Variants in PKHD1L1 observed in about 807,000 individuals in gnomAD.
PKHD1L1 encodes the protein PKHD1 like 1, also known as fibrocystin-L.
In PKHD1L1, 434 loss-of-function variants were observed where a neutral mutation model predicts 462.9. The ratio of observed to expected loss-of-function variants is 0.94; its 90% CI spans 0.87 to 1.02. PKHD1L1 has a LOEUF of 1.02. Among genes scored for constraint, PKHD1L1 ranks in the 50% least tolerant of loss-of-function variants. PKHD1L1 has a pLI of 0.00. For synonymous variants in PKHD1L1, 1,781 were observed against 1,750.0 expected (o/e 1.02, Z -0.44); for missense variants, 5,202 against 5,096.1 (o/e 1.02, Z -0.63).
intron 77 of PKHD1L1, among the ~76,000 whole-genome samples, chr8:109,529,655 TAAG>T (rs1168840863): frequency 2.0e-5 from 3 of 151,580 alleles, no homozygotes; most frequent in African/African-American, 7.3e-5. Flanking sequence ...CTTTTCCAGA[TAAG>T]AAGATTAATC....
chr8:109,370,006 T>A (rs1811417270), intron 2 of PKHD1L1, among the ~76,000 whole-genome samples: 1 of 152,224 alleles, frequency 6.6e-6, no homozygotes, highest in South Asian at 2.1e-4. Flanking sequence ...CTGCTTACTT[T>A]TCCTACATAC....
rs750083331 is a variant in PKHD1L1 at position 109,435,353 on chromosome 8, A to G, written c.3504A>G (p.Ala1168=). ...TCTGGCCTGATTCTGGAAGCATAGC[A>G]GGTAATGGTTAATAGTTTAAACAGA... ...SHIWPDSGSI[A]GGTLLTLSGF... The change falls in exon 29 of 78, where the codon GCA becomes GCG. Residue 1168 remains alanine (A), a splice_region_variant and synonymous_variant. Coordinates refer to ENST00000378402, the MANE Select transcript of PKHD1L1 (RefSeq NM_177531.6). 6.2e-7 allele frequency: 1 copy of G among 1,611,552 alleles called. No individual in the cohort carries two copies. The highest frequency in any genetic ancestry group is 8.5e-7 in the Non-Finnish European group (1 of 1,178,396).
rs568632342 is a variant in PKHD1L1 at position 109,367,907 on chromosome 8, A to G, written c.163+3271A>G. 3.9e-5 allele frequency among the ~76,000 whole-genome samples: 6 copies of G among 152,334 alleles called. No individual in the cohort carries two copies. The South Asian group carries it at 6.2e-4, about 16-fold the overall frequency. On this transcript the variant is annotated intron_variant, in intron 2 of 77. Coordinates refer to ENST00000378402, the MANE Select transcript of PKHD1L1 (RefSeq NM_177531.6). ...GATGGAGTGAAACCCTGCTTTAAAA[A>G]CAAAATAAAACCTCACAAGACTATG...
Position 109,485,080 on chromosome 8 carries a change from G to T in PKHD1L1, c.9613G>T (p.Asp3205Tyr). 6.2e-7 allele frequency: 1 copy of T among 1,602,162 alleles called. No individual in the cohort carries two copies. Among genetic ancestry groups the T allele is most frequent in the South Asian group, 1.1e-5 (1 of 88,384 alleles). ...EEIVITTTSY[D>Y]FHQTETRSIV... ...GATTGTGATAACAACCACAAGCTAC[G>T]ATTTCCACCAGACAGAAACAAGAAG... Residue 3205 changes from aspartate (D) to tyrosine (Y), a missense_variant, in exon 58 of 78, where the codon GAT (aspartate) becomes TAT (tyrosine). Transcript: ENST00000378402.
rs1004505519 is a variant in PKHD1L1, at chr8:109,448,286, G to A, written c.5920G>A (p.Gly1974Arg). The A allele has an allele frequency of 1.4e-5, 22 of 1,613,414 alleles. No individual in the cohort carries two copies. Among genetic ancestry groups the A allele is most frequent in the Non-Finnish European group, 1.9e-5 (22 of 1,179,660 alleles). ...VVQCIVGDHA[G>R]GTFPVMMHHK... Reference sequence around the variant, plus strand: ...GCAGTGCATCGTGGGAGATCATGCTGGGGGCACATTTCCTGTTATGATGCA... The same window carrying A: ...GCAGTGCATCGTGGGAGATCATGCTAGGGGCACATTTCCTGTTATGATGCA... Residue 1974 changes from glycine (G) to arginine (R), a missense_variant, in exon 39 of 78, where the codon GGG becomes AGG. Gly to Arg is a moderately radical substitution (Grantham distance 125). Around this residue, in one of 3 missense-constraint regions of PKHD1L1, gnomAD observed 4,497 missense variants for 4,336.8 expected, o/e 1.04. Coordinates refer to ENST00000378402, the MANE Select transcript of PKHD1L1 (RefSeq NM_177531.6).
intron 23 of PKHD1L1, among the ~76,000 whole-genome samples, chr8:109,424,553 T>G (rs1227212114): frequency 6.6e-6 from 1 of 152,190 alleles, no homozygotes; most frequent in Non-Finnish European, 1.5e-5. Flanking sequence ...ATCTATGAAT[T>G]TCTACAGCAT....
chr8:109,430,895 G>T (rs1245040699), intron 27 of PKHD1L1, among the ~76,000 whole-genome samples: 1 of 151,784 alleles, frequency 6.6e-6, no homozygotes, highest in African/African-American at 2.4e-5. Context: ...ATAAGGATTT[G>T]ATGAACTTTA....
chr8:109,366,748 A>G (rs1811254702), intron 2 of PKHD1L1, among the ~76,000 whole-genome samples: 1 of 144,452 alleles, frequency 6.9e-6, no homozygotes, highest in African/African-American at 2.6e-5. Flanking sequence ...GCTGGAGTGC[A>G]GTGGCATGAT....
chr8:109,441,566 A>G (rs1417334748), intron 34 of PKHD1L1, among the ~76,000 whole-genome samples, 187 bp downstream of exon 34: 2 of 152,192 alleles, frequency 1.3e-5, no homozygotes, highest in African/African-American at 4.8e-5. Context: ...ACTTGAGTCT[A>G]GAAGGCCATA....
chr8:109,466,433 T>A (rs1201252163), intron 49 of PKHD1L1, 145 bp from the exon 50 acceptor site: 2 of 756,644 alleles, frequency 2.6e-6, no homozygotes, highest in African/African-American at 3.6e-5. Context: ...ATCCTCTTGC[T>A]CCATGCAAAC....
chr8:109,383,329 TTA>T (rs1414618365), intron 4 of PKHD1L1, among the ~76,000 whole-genome samples: 6 of 109,206 alleles, frequency 5.5e-5, no homozygotes, highest in South Asian at 4.8e-4. Context: ...ATAATTAATA[TTA>T]TATATAATAT....
chr8:109,529,766 T>C lies in PKHD1L1; in HGVS notation c.12722-314T>C, dbSNP rs528901541. 4.6e-5 allele frequency among the ~76,000 whole-genome samples: 7 copies of C among 152,246 alleles called. No homozygotes were observed. In the East Asian group the frequency reaches 1.3e-3, roughly 29 times the overall value. ...TGGATTAAAATGCTGGGTTCTTTAA[T>C]AACTTTGCATTCTGAATGAATAATA... is the stretch of plus-strand genomic sequence containing the variant. On this transcript the variant is annotated intron_variant, in intron 77 of 77. Coordinates refer to ENST00000378402, the MANE Select transcript of PKHD1L1 (RefSeq NM_177531.6).
chr8:109,448,546 C>A (rs562671809), intron 39 of PKHD1L1, among the ~76,000 whole-genome samples, 155 bp downstream of exon 39: 1 of 149,520 alleles, frequency 6.7e-6, no homozygotes, highest in South Asian at 2.1e-4. Context: ...GAGTCTCGCT[C>A]GGTCGCCCAG....
intron 3 of PKHD1L1, 76 bp from the exon 4 acceptor site, chr8:109,382,387 C>A: frequency 8.6e-7 from 1 of 1,156,830 alleles, no homozygotes; most frequent in Non-Finnish European, 1.2e-6. Context: ...CAGTCTGGGG[C>A]AGTATTTTTC....
chr8:109,454,664 T>C, intron 44 of PKHD1L1, 59 bp from the exon 45 acceptor site: 1 of 1,590,486 alleles, frequency 6.3e-7, no homozygotes, highest in South Asian at 1.1e-5. Flanking sequence ...TTTTGTGTGA[T>C]TAGAATTGTG....
intron 51 of PKHD1L1, 145 bp downstream of exon 51, chr8:109,475,414 C>A: frequency 1.4e-6 from 1 of 722,286 alleles, no homozygotes; most frequent in Non-Finnish European, 2.1e-6. Context: ...CTTTGTGAGC[C>A]ACTCTGAATC....
Position 109,485,523 on chromosome 8 carries a change from A to G in PKHD1L1, c.9706+350A>G, listed in dbSNP as rs924128461. On this transcript the variant is annotated intron_variant, in intron 58 of 77. Coordinates refer to ENST00000378402, the MANE Select transcript of PKHD1L1 (RefSeq NM_177531.6). Reference sequence around the variant, plus strand: ...CCTTGTCCTAAATTGTTTCATGGATATAGTCTTTAGCGGTAAATGCATTTA... The same window carrying G: ...CCTTGTCCTAAATTGTTTCATGGATGTAGTCTTTAGCGGTAAATGCATTTA... Among the ~76,000 whole-genome samples the G allele has an allele frequency of 2.6e-5, 4 of 152,140 alleles. 1 individual carries two copies. The Middle Eastern group carries it at 0.01, about 388-fold the overall frequency.
intron 25 of PKHD1L1, among the ~76,000 whole-genome samples, chr8:109,427,884 G>A (rs1347307692): frequency 1.3e-5 from 2 of 152,166 alleles, no homozygotes; most frequent in East Asian, 3.9e-4. Context: ...GGACGTGGTA[G>A]TGCATGCCTG....
At chr8:109,435,860 G>T (rs1467111903) in intron 29 of PKHD1L1, among the ~76,000 whole-genome samples, 1 of 152,000 alleles carries the variant, frequency 6.6e-6, no homozygotes, top group African/African-American at 2.4e-5. Context: ...CTTTGATTTT[G>T]ATCCTTTTGG....
Sources: gnomAD v4.1 joint callset for allele counts (sites outside exome capture counted in the v4.1 genomes callset) on GRCh38, gnomAD v4.1.1 for gene constraint, gnomAD v4.1.1 regional missense constraint, MANE v1.5 for transcripts, NCBI Gene and HGNC (gene_info 2026-07-23, HGNC 2026-07-21) for gene names.